Variants in SLC41A2 observed in about 807,000 individuals in gnomAD.
The protein encoded by SLC41A2 is solute carrier family 41 member 2.
SLC41A2 carries 32 observed loss-of-function variants against 58.3 expected under a neutral mutation model. The observed-to-expected ratio is 0.55, with a 90% confidence interval of 0.41 to 0.74. The LOEUF (loss-of-function observed/expected upper bound fraction) is 0.74, where lower values mean the gene tolerates loss of function less well. Among genes scored for constraint, SLC41A2 ranks in the 30% least tolerant of loss-of-function variants. The probability of loss-of-function intolerance (pLI) is 0.00; values close to 1 mark genes in which losing one functional copy is unlikely to be tolerated. For synonymous variants in SLC41A2, 190 were observed against 235.0 expected (o/e 0.81, Z 1.75); for missense variants, 514 against 680.6 (o/e 0.76, Z 2.72).
intron 10 of SLC41A2, among the ~76,000 whole-genome samples, chr12:104,839,380 G>A (rs1025043857): frequency 6.6e-6 from 1 of 151,934 alleles, no homozygotes; most frequent in African/African-American, 2.4e-5. Flanking sequence ...GGTTATTGTT[G>A]TTTTTAATCA....
intron 10 of SLC41A2, among the ~76,000 whole-genome samples, chr12:104,833,672 C>G (rs1204598669): frequency 1.3e-5 from 2 of 152,102 alleles, no homozygotes; most frequent in Non-Finnish European, 2.9e-5. Context: ...CTTTGTTACA[C>G]TGAACTAATA....
rs932493102 is a variant in SLC41A2 at position 104,883,301 on chromosome 12, ATC to A, written c.1027+2990_1027+2991del. On this transcript the variant is annotated intron_variant, in intron 6 of 10. Transcript: ENST00000258538. Reference sequence around the variant, plus strand: ...ACTTTGGAGAAGTCTGTTATTACCAATCTTCTGAAGCCTACTTTAGTCAACTC... The same window carrying A: ...ACTTTGGAGAAGTCTGTTATTACCAATTCTGAAGCCTACTTTAGTCAACTC... Among the ~76,000 whole-genome samples the A allele has an allele frequency of 4.6e-5, 7 of 152,310 alleles. 1 individual carries two copies. Among genetic ancestry groups the A allele is most frequent in the Admixed American group, 1.3e-4 (2 of 15,298 alleles).
chr12:104,848,175 G>A (rs113851420), intron 8 of SLC41A2, among the ~76,000 whole-genome samples: 9 of 152,262 alleles, frequency 5.9e-5, no homozygotes, highest in African/African-American at 1.9e-4. Context: ...TAAGATATCT[G>A]AGGATTCCCC....
chr12:104,952,333 T>C (rs1389628911), intron 1 of SLC41A2, among the ~76,000 whole-genome samples: 1 of 152,174 alleles, frequency 6.6e-6, no homozygotes, highest in African/African-American at 2.4e-5. Context: ...ACAGACCTTT[T>C]GGTCTTGGTG....
At chr12:104,918,638 A>AC (rs1555214372) in intron 2 of SLC41A2, among the ~76,000 whole-genome samples, 3 of 151,220 alleles carry the variant, frequency 2.0e-5, no homozygotes, top group East Asian at 1.9e-4. Flanking sequence ...GAAAAAAAAA[A>AC]AAAAAAAAAC....
chr12:104,928,792 T>C, intron 1 of SLC41A2, 98 bp from the exon 2 acceptor site: 1 of 281,340 alleles, frequency 3.6e-6, no homozygotes, highest in Non-Finnish European at 6.6e-6. Context: ...AAAACACATG[T>C]TCTTAAACCA....
chr12:104,816,092 C>T (rs2041390688), intron 10 of SLC41A2, among the ~76,000 whole-genome samples: 1 of 152,048 alleles, frequency 6.6e-6, no homozygotes, highest in African/African-American at 2.4e-5. Context: ...AGAGTCAAAC[C>T]CAGGTCTGTT....
At chr12:104,879,644 C>T (rs2044258026) in intron 6 of SLC41A2, among the ~76,000 whole-genome samples, 2 of 152,196 alleles carry the variant, frequency 1.3e-5, no homozygotes, top group East Asian at 3.9e-4. Flanking sequence ...TATTCTGTTC[C>T]ATTGGGTTAT....
At chr12:104,924,895 A>G (rs1593153219) in intron 2 of SLC41A2, among the ~76,000 whole-genome samples, 1 of 152,128 alleles carries the variant, frequency 6.6e-6, no homozygotes, top group African/African-American at 2.4e-5. Flanking sequence ...ATGTTGAGGG[A>G]AAAAAAGCCA....
intron 8 of SLC41A2, among the ~76,000 whole-genome samples, chr12:104,858,897 TCTTA>T (rs1354203027): frequency 6.6e-6 from 1 of 152,228 alleles, no homozygotes; most frequent in East Asian, 1.9e-4. Context: ...TAGAATTGTT[TCTTA>T]CTTAAGGTAA....
intron 1 of SLC41A2, among the ~76,000 whole-genome samples, chr12:104,939,547 T>C (rs747982499): frequency 1.1e-4 from 16 of 152,178 alleles, no homozygotes; most frequent in African/African-American, 1.9e-4. Context: ...AAGTATATTG[T>C]ATGTATGTGG....
chr12:104,898,707 T>C (rs755349493), intron 3 of SLC41A2, among the ~76,000 whole-genome samples: 1 of 152,124 alleles, frequency 6.6e-6, no homozygotes, highest in Non-Finnish European at 1.5e-5. Context: ...AATCATTTTA[T>C]CTAAAAACAG....
intron 3 of SLC41A2, among the ~76,000 whole-genome samples, chr12:104,905,723 G>T (rs1413142609): frequency 3.9e-5 from 6 of 152,240 alleles, no homozygotes; most frequent in Admixed American, 3.9e-4. Context: ...ATTGCTGGGG[G>T]ACTCAGTACA....
intron 1 of SLC41A2, among the ~76,000 whole-genome samples, chr12:104,955,018 T>C (rs78085056): frequency 7.2e-6 from 1 of 138,890 alleles, no homozygotes; most frequent in Non-Finnish European, 1.5e-5. Flanking sequence ...GGCCCTTGCT[T>C]TTTTTTTTTT....
intron 1 of SLC41A2, among the ~76,000 whole-genome samples, chr12:104,935,404 T>A (rs772515717): frequency 6.6e-6 from 1 of 152,066 alleles, no homozygotes; most frequent in East Asian, 1.9e-4. Flanking sequence ...ATGTTAGTTA[T>A]CTTGATTGAA....
At chr12:104,895,417 T>G (rs1251481672) in intron 3 of SLC41A2, 72 bp from the exon 4 acceptor site, 6 of 1,072,062 alleles carry the variant, frequency 5.6e-6, no homozygotes, top group Non-Finnish European at 8.5e-6. Context: ...AAACAGCACA[T>G]GAAATCTTAA....
At chr12:104,929,097 T>C (rs1320474043) in intron 1 of SLC41A2, among the ~76,000 whole-genome samples, 1 of 152,212 alleles carries the variant, frequency 6.6e-6, no homozygotes, top group African/African-American at 2.4e-5. Flanking sequence ...CAACAAAAGA[T>C]ATATGGCATT....
rs139689401 is a variant in SLC41A2, at chr12:104,866,367, AAGAC to A, written c.1175+61_1175+64del. On this transcript the variant is annotated intron_variant, in intron 7 of 10. Transcript: ENST00000258538. ...CATATATGCTTATAGAAGACACACA[AAGAC>A]AGACAGACGTACACACACACACACA... The A allele has an allele frequency of 0.02, 28,346 of 1,446,224 alleles. 775 individuals are homozygous for A. The highest frequency in any genetic ancestry group is 0.14 in the African/African-American group (9,489 of 65,890). 89.6% of individuals were successfully genotyped at this position (1,446,224 alleles called of 1,614,324 possible). A position where few individuals can be genotyped will look rare whatever the true frequency, so the allele number is the denominator to read the frequency against.
chr12:104,944,276 G>A (rs756644951), intron 1 of SLC41A2, among the ~76,000 whole-genome samples: 6 of 152,156 alleles, frequency 3.9e-5, no homozygotes, highest in Admixed American at 3.3e-4. Context: ...ATTAGATTAT[G>A]AAATGGGCAG....
Sources: gnomAD v4.1 joint callset for allele counts (sites outside exome capture counted in the v4.1 genomes callset) on GRCh38, gnomAD v4.1.1 for gene constraint, MANE v1.5 for transcripts, NCBI Gene and HGNC (gene_info 2026-07-23, HGNC 2026-07-21) for gene names.